The following SAMD5 variants were observed in gnomAD, a reference collection of about 807,000 sequenced individuals.
SAMD5 encodes the protein sterile alpha motif domain-containing protein 5.
Under a neutral mutation model 11.3 loss-of-function variants are expected in SAMD5, and 13 were observed. The observed-to-expected ratio is 1.15, with a 90% CI of 0.75 to 1.83. The LOEUF (loss-of-function observed/expected upper bound fraction) is 1.83. Ranked by LOEUF, SAMD5 falls within the 40% of genes most tolerant of loss-of-function variation. The pLI is 0.00. For synonymous variants in SAMD5, 129 were observed against 111.3 expected (o/e 1.16, Z -1.00); for missense variants, 255 against 239.1 (o/e 1.07, Z -0.44).
At chr6:147,720,113 G>A (rs145465506) in intron 1 of SAMD5, among the ~76,000 whole-genome samples, 1 of 152,320 alleles carries the variant, frequency 6.6e-6, no homozygotes, top group African/African-American at 2.4e-5. Flanking sequence ...TACAGTGTCT[G>A]CAGTGTCTCG....
At chr6:147,775,467 A>G in the SAMD5 span, among the ~76,000 whole-genome samples, 1 of 149,734 alleles carries the variant, frequency 6.7e-6, no homozygotes, top group East Asian at 1.9e-4. Context: ...TGGAGTTAGT[A>G]CTCACACATC....
At chr6:147,806,118 A>G in the SAMD5 span, among the ~76,000 whole-genome samples, 11 of 152,170 alleles carry the variant, frequency 7.2e-5, 1 homozygote, top group African/African-American at 2.7e-4. Flanking sequence ...AGCCCTATCC[A>G]CAAGAAAGAC....
At chr6:147,823,959 T>C in the SAMD5 span, among the ~76,000 whole-genome samples, 1 of 152,174 alleles carries the variant, frequency 6.6e-6, no homozygotes, top group African/African-American at 2.4e-5. Context: ...TGAATTTCCA[T>C]TTGAATTATG....
the SAMD5 span, among the ~76,000 whole-genome samples, chr6:147,784,968 A>G: frequency 6.6e-6 from 1 of 152,180 alleles, no homozygotes; most frequent in Non-Finnish European, 1.5e-5. Context: ...ATATTATCAA[A>G]TGATAATATA....
At chr6:147,570,082 A>G (rs561881930), downstream of SAMD5, 8 of 842,024 alleles carry the variant, frequency 9.5e-6, no homozygotes, top group Non-Finnish European at 1.0e-5. Flanking sequence ...GAGTTTGTGC[A>G]TTGTTTAAAT....
chr6:147,733,239 G>A (rs951413890), intron 1 of SAMD5, among the ~76,000 whole-genome samples: 2 of 152,300 alleles, frequency 1.3e-5, no homozygotes, highest in African/African-American at 2.4e-5. Context: ...CAAGTTTGAA[G>A]GGATGCCAAG....
the SAMD5 span, among the ~76,000 whole-genome samples, chr6:147,775,035 A>G: frequency 6.6e-6 from 1 of 152,116 alleles, no homozygotes; most frequent in Admixed American, 6.5e-5. Flanking sequence ...TCCTGGCCTA[A>G]ATAGTCCTGG....
intron 1 of SAMD5, among the ~76,000 whole-genome samples, chr6:147,542,567 A>T (rs58190178): frequency 0.015 from 2,325 of 152,218 alleles, 66 homozygotes; most frequent in African/African-American, 0.053. Flanking sequence ...GTCAGGGATG[A>T]AATCATAGGA....
At chr6:147,513,581 G>A (rs1788121913) in intron 1 of SAMD5, among the ~76,000 whole-genome samples, 1 of 152,212 alleles carries the variant, frequency 6.6e-6, no homozygotes, top group South Asian at 2.1e-4. Flanking sequence ...CAGATGAGCA[G>A]TAGAGGGAGG....
chr6:147,709,107 A>G (rs1583148254), intron 1 of SAMD5, among the ~76,000 whole-genome samples: 1 of 152,334 alleles, frequency 6.6e-6, no homozygotes. Flanking sequence ...TTTTTAACTT[A>G]AAGAAAGTTC....
chr6:147,949,973 A>C, the SAMD5 span, among the ~76,000 whole-genome samples: 9 of 152,238 alleles, frequency 5.9e-5, no homozygotes, highest in Non-Finnish European at 1.2e-4. Context: ...TGCTGATAAT[A>C]AGAAATATGA....
At chr6:147,830,613 A>G in the SAMD5 span, among the ~76,000 whole-genome samples, 1 of 152,072 alleles carries the variant, frequency 6.6e-6, no homozygotes, top group Admixed American at 6.6e-5. Flanking sequence ...CAGATTGGTG[A>G]ACTTTGTTTA....
At chr6:147,829,391 A>G in the SAMD5 span, among the ~76,000 whole-genome samples, 1 of 152,126 alleles carries the variant, frequency 6.6e-6, no homozygotes, top group Non-Finnish European at 1.5e-5. Flanking sequence ...CTAATTCACA[A>G]ACAATGAACT....
chr6:147,818,384 T>G, the SAMD5 span, among the ~76,000 whole-genome samples: 2 of 152,260 alleles, frequency 1.3e-5, no homozygotes, highest in Non-Finnish European at 2.9e-5. Flanking sequence ...GTGATGGTTT[T>G]GCAGGCACAT....
chr6:147,796,782 C>T, the SAMD5 span, among the ~76,000 whole-genome samples: 1 of 151,826 alleles, frequency 6.6e-6, no homozygotes, highest in East Asian at 1.9e-4. Flanking sequence ...AGGTCCTTCA[C>T]ATCCCTTGTA....
chr6:147,951,681 T>C, the SAMD5 span, among the ~76,000 whole-genome samples: 3 of 152,296 alleles, frequency 2.0e-5, no homozygotes, highest in Non-Finnish European at 4.4e-5. Flanking sequence ...GTGGCTTATG[T>C]CAGGGGCATA....
intron 1 of SAMD5, among the ~76,000 whole-genome samples, chr6:147,681,686 A>G (rs548554852): frequency 2.0e-5 from 3 of 152,246 alleles, no homozygotes; most frequent in East Asian, 3.9e-4. Flanking sequence ...TTGTTCTGGC[A>G]TGCAATTAAA....
intron 1 of SAMD5, among the ~76,000 whole-genome samples, chr6:147,533,476 AAAAAG>A (rs1198849043): frequency 4.0e-5 from 6 of 151,470 alleles, no homozygotes; most frequent in Admixed American, 6.6e-5. Flanking sequence ...AAAAAAAAAA[AAAAAG>A]AAAGAAAGAA....
the SAMD5 span, among the ~76,000 whole-genome samples, chr6:147,834,174 A>G: frequency 6.6e-6 from 1 of 152,228 alleles, no homozygotes; most frequent in Admixed American, 6.5e-5. Flanking sequence ...AGAGCAGGCA[A>G]CTTACAAATG....
Sources: gnomAD v4.1 joint callset for allele counts (sites outside exome capture counted in the v4.1 genomes callset) on GRCh38, gnomAD v4.1.1 for gene constraint, MANE v1.5 for transcripts, NCBI Gene and HGNC (gene_info 2026-07-23, HGNC 2026-07-21) for gene names.